The following SUCLG2 variants were observed in gnomAD, a reference collection of about 807,000 sequenced individuals.
The protein encoded by SUCLG2 is succinate-CoA ligase GDP-forming subunit beta, also known as succinate--CoA ligase [GDP-forming] subunit beta, mitochondrial.
In SUCLG2, 42 loss-of-function variants were observed where a neutral mutation model predicts 47.9. The observed-to-expected ratio is 0.88, with a 90% CI of 0.69 to 1.14. The LOEUF is 1.14. Among genes scored for constraint, SUCLG2 ranks in the 50% most tolerant of loss-of-function variants. The pLI, the probability that SUCLG2 is intolerant of heterozygous loss-of-function variation, is 0.00. For synonymous variants in SUCLG2, 195 were observed against 197.3 expected (o/e 0.99, Z 0.10); for missense variants, 571 against 525.9 (o/e 1.09, Z -0.84).
chr3:67,621,521 T>C (rs1284646139), intron 1 of SUCLG2, among the ~76,000 whole-genome samples: 1 of 152,158 alleles, frequency 6.6e-6, no homozygotes, highest in African/African-American at 2.4e-5. Context: ...GCACTTAATC[T>C]CCAATGTGGC....
At chr3:67,632,251 C>T (rs1700939499) in intron 1 of SUCLG2, among the ~76,000 whole-genome samples, 1 of 152,180 alleles carries the variant, frequency 6.6e-6, no homozygotes, top group Non-Finnish European at 1.5e-5. Context: ...GGTGCGATCT[C>T]TGCTCACTGT....
In SUCLG2 at chr3:67,520,531, C is replaced by T; in HGVS notation, c.521G>A (p.Gly174Asp). 5 of 1,614,116 alleles carry T rather than the reference C, an allele frequency of 3.1e-6. No individual in the cohort carries two copies. Among genetic ancestry groups the T allele is most frequent in the Non-Finnish European group, 4.2e-6 (5 of 1,179,982 alleles). The change falls in exon 5 of 11, where the codon GGC (glycine) becomes GAC (aspartate). Residue 174 changes from glycine to aspartate, a missense_variant. Coordinates refer to ENST00000307227, the MANE Select transcript of SUCLG2 (RefSeq NM_003848.4). ...AGCAGCCACCTCTTCAATGTCGACG[C>T]CCCCCTGGGGGCTGCCCACCAGCAC... ...GPVLVGSPQG[G>D]VDIEEVAASN...
At chr3:67,583,356 G>C (rs1022031789) in intron 2 of SUCLG2, among the ~76,000 whole-genome samples, 8 of 152,122 alleles carry the variant, frequency 5.3e-5, no homozygotes, top group Admixed American at 2.0e-4. Flanking sequence ...CTCCCTACAG[G>C]CCAATTTCGG....
intron 1 of SUCLG2, among the ~76,000 whole-genome samples, chr3:67,635,921 A>G (rs915622185): frequency 6.6e-6 from 1 of 151,956 alleles, no homozygotes; most frequent in Non-Finnish European, 1.5e-5. Context: ...CTTGTTTTAT[A>G]TTTTCTCCAA....
intron 10 of SUCLG2, among the ~76,000 whole-genome samples, chr3:67,387,559 T>C (rs1702286941): frequency 6.6e-6 from 1 of 152,236 alleles, no homozygotes; most frequent in South Asian, 2.1e-4. Context: ...AAAAGCTAGT[T>C]ACCCTGCCTT....
intron 2 of SUCLG2, among the ~76,000 whole-genome samples, chr3:67,574,439 G>A (rs1408447549): frequency 6.6e-6 from 1 of 152,200 alleles, no homozygotes; most frequent in Non-Finnish European, 1.5e-5. Context: ...ATAGTCAATT[G>A]ATTTTTGGCA....
intron 9 of SUCLG2, among the ~76,000 whole-genome samples, chr3:67,490,991 G>C (rs567544513): frequency 3.3e-5 from 5 of 152,104 alleles, no homozygotes; most frequent in Admixed American, 6.6e-5. Flanking sequence ...GTGATATTAA[G>C]TTTAAAAATA....
chr3:67,601,541 C>G (rs761682564), intron 2 of SUCLG2, among the ~76,000 whole-genome samples: 5 of 152,164 alleles, frequency 3.3e-5, no homozygotes, highest in Non-Finnish European at 7.4e-5. Context: ...AAAGTACCCT[C>G]TGAACTTTCA....
In SUCLG2 at chr3:67,539,418, C is replaced by T. The variant is rs1051433726; in HGVS notation, c.227-10232G>A. On this transcript the variant is annotated intron_variant, in intron 2 of 10. Coordinates refer to ENST00000307227, the MANE Select transcript of SUCLG2 (RefSeq NM_003848.4). ...ATCCCAGGGATGAAGCCTACTTCAT[C>T]GTGGTGGATAAGCTTTTTGTTGTGC... Among the ~76,000 whole-genome samples, 7 of 152,250 alleles carry T rather than the reference C, an allele frequency of 4.6e-5. No individual in the cohort carries two copies. In the South Asian group the frequency reaches 6.2e-4, roughly 14 times the overall value.
intron 9 of SUCLG2, among the ~76,000 whole-genome samples, chr3:67,449,632 T>C (rs1704006296): frequency 6.6e-6 from 1 of 152,196 alleles, no homozygotes; most frequent in Non-Finnish European, 1.5e-5. Flanking sequence ...TATTTTATTT[T>C]TGAGTCATAG....
chr3:67,392,419 C>G (rs573296581), intron 10 of SUCLG2, among the ~76,000 whole-genome samples: 4 of 152,344 alleles, frequency 2.6e-5, no homozygotes, highest in East Asian at 3.9e-4. Context: ...AACTTTACCA[C>G]ACGTAAACAT....
chr3:67,479,881 T>C (rs1000089613), intron 9 of SUCLG2, among the ~76,000 whole-genome samples: 8 of 152,176 alleles, frequency 5.3e-5, no homozygotes, highest in African/African-American at 1.9e-4. Flanking sequence ...GAAAAATGCA[T>C]TTACAAACCA....
In SUCLG2 at chr3:67,612,375, T is replaced by A. The variant is rs578205430; in HGVS notation, c.85-2779A>T. ...CTCAGTCTCAAAAAACAAAAAAAAA[T>A]GTGATACATCTACAGAAGTATAATT... On this transcript the variant is annotated intron_variant, in intron 1 of 10. Coordinates refer to ENST00000307227, the MANE Select transcript of SUCLG2 (RefSeq NM_003848.4). Among the ~76,000 whole-genome samples the A allele has an allele frequency of 2.8e-3, 118 of 42,360 alleles. 3 individuals carry two copies. Among genetic ancestry groups the A allele is most frequent in the African/African-American group, 0.017 (99 of 5,742 alleles). 27.8% of individuals were successfully genotyped at this position (42,360 alleles called of 152,430 possible). A position where few individuals can be genotyped will look rare whatever the true frequency, so the allele number is the denominator to read the frequency against.
At chr3:67,582,685 T>C (rs1422407172) in intron 2 of SUCLG2, among the ~76,000 whole-genome samples, 3 of 152,116 alleles carry the variant, frequency 2.0e-5, no homozygotes, top group Non-Finnish European at 4.4e-5. Context: ...CTTTGAGAAA[T>C]CGCCAAACTG....
At chr3:67,507,119 C>T (rs1023728250) in intron 7 of SUCLG2, among the ~76,000 whole-genome samples, 30 of 152,152 alleles carry the variant, frequency 2.0e-4, no homozygotes, top group Admixed American at 1.2e-3. Flanking sequence ...ATCACAGTGT[C>T]TGGCATATAA....
chr3:67,645,388 T>C (rs1701172867), intron 1 of SUCLG2, among the ~76,000 whole-genome samples: 1 of 152,110 alleles, frequency 6.6e-6, no homozygotes. Context: ...CACCCTCGCT[T>C]AGGACAAGTC....
chr3:67,556,444 T>C (rs573954094), intron 2 of SUCLG2, among the ~76,000 whole-genome samples: 6 of 152,264 alleles, frequency 3.9e-5, no homozygotes, highest in Admixed American at 3.3e-4. Flanking sequence ...AGGATGAAAA[T>C]GATATGGGAG....
At chr3:67,650,833 CAA>C (rs1356216360) in intron 1 of SUCLG2, among the ~76,000 whole-genome samples, 5 of 152,162 alleles carry the variant, frequency 3.3e-5, no homozygotes, top group South Asian at 2.1e-4. Context: ...TTCCACTAGC[CAA>C]AGAGAGGGGA....
rs1167178604 is a variant in SUCLG2 at position 67,380,689 on chromosome 3, G to A, written c.1184-4830C>T. 3.0e-5 allele frequency among the ~76,000 whole-genome samples: 3 copies of A among 101,300 alleles called. No homozygotes were observed. In the East Asian group the frequency reaches 8.7e-4, roughly 29 times the overall value. The allele number at this position is 101,300 out of a possible 152,430, so 66.5% of individuals were successfully genotyped here. A position where few individuals can be genotyped will look rare whatever the true frequency, so the allele number is the denominator to read the frequency against. ...TGTTACAGAAGGGGAAAGGGGGGTA[G>A]AGAGAGAGAGAGGGAGATAGAGAGA... On this transcript the variant is annotated intron_variant, in intron 10 of 10. Coordinates refer to ENST00000307227, the MANE Select transcript of SUCLG2 (RefSeq NM_003848.4).
Sources: gnomAD v4.1 joint callset for allele counts (sites outside exome capture counted in the v4.1 genomes callset) on GRCh38, gnomAD v4.1.1 for gene constraint, MANE v1.5 for transcripts, NCBI Gene and HGNC (gene_info 2026-07-23, HGNC 2026-07-21) for gene names.